The following SPAG17 variants were observed in gnomAD, a reference collection of about 807,000 sequenced individuals.
SPAG17 encodes the protein sperm associated antigen 17.
In SPAG17, 169 loss-of-function variants were observed where a neutral mutation model predicts 273.6. The ratio of observed to expected loss-of-function variants is 0.62; its 90% CI spans 0.55 to 0.70. The LOEUF (loss-of-function observed/expected upper bound fraction) is 0.70, where lower values mean the gene tolerates loss of function less well. Ranked by LOEUF, SPAG17 falls within the 30% of genes least tolerant of loss-of-function variation. SPAG17 has a pLI of 0.00. For synonymous variants in SPAG17, 825 were observed against 873.2 expected, an observed-to-expected ratio of 0.94 and a Z score of 0.97; for missense variants, 2,557 against 2,627.8, an observed-to-expected ratio of 0.97 and a Z score of 0.59.
chr1:118,147,540 CAA>C (rs1292967680), intron 3 of SPAG17, among the ~76,000 whole-genome samples: 2 of 152,086 alleles, frequency 1.3e-5, no homozygotes, highest in African/African-American at 4.8e-5. Context: ...ACATGCTTTC[CAA>C]AAAGAGAATG....
chr1:117,960,313 A>C (rs925540314), intron 48 of SPAG17: 1 of 152,160 alleles, frequency 6.6e-6, no homozygotes, highest in African/African-American at 2.4e-5. Flanking sequence ...TGGGAGCCTG[A>C]CTGATGTATT....
chr1:118,089,796 A>G (rs1655250884), intron 10 of SPAG17, among the ~76,000 whole-genome samples: 1 of 152,160 alleles, frequency 6.6e-6, no homozygotes, highest in Non-Finnish European at 1.5e-5. Context: ...TTGGCTCTGT[A>G]TCTCCACCTA....
intron 3 of SPAG17, among the ~76,000 whole-genome samples, chr1:118,120,234 C>T (rs1254180627): frequency 6.6e-6 from 1 of 151,688 alleles, no homozygotes; most frequent in Non-Finnish European, 1.5e-5. Context: ...AATATGGTAG[C>T]CACTAAACCA....
chr1:118,083,691 G>T (rs1043833606), intron 13 of SPAG17, among the ~76,000 whole-genome samples: 1 of 152,042 alleles, frequency 6.6e-6, no homozygotes, highest in Admixed American at 6.6e-5. Flanking sequence ...AAGCTGAGGT[G>T]GGAGAATCGC....
intron 29 of SPAG17, 25 bp from the exon 30 acceptor site, chr1:118,012,397 A>G: frequency 6.2e-7 from 1 of 1,608,830 alleles, no homozygotes; most frequent in Non-Finnish European, 8.5e-7. Context: ...GCAGGACATA[A>G]TCATTTGGCC....
intron 32 of SPAG17, among the ~76,000 whole-genome samples, chr1:118,001,658 G>A (rs752358364): frequency 3.3e-5 from 5 of 152,210 alleles, no homozygotes; most frequent in Middle Eastern, 3.4e-3. Context: ...TGTGGTATCC[G>A]TGGTCATATC....
At chr1:118,018,983 G>A (rs1267931037) in intron 28 of SPAG17, among the ~76,000 whole-genome samples, 1 of 146,250 alleles carries the variant, frequency 6.8e-6, no homozygotes, top group Non-Finnish European at 1.5e-5. Flanking sequence ...GCAGTGAGCT[G>A]TGATCATGCC....
chr1:117,996,835 T>C, intron 32 of SPAG17, 92 bp from the exon 33 acceptor site: 13 of 1,340,634 alleles, frequency 9.7e-6, no homozygotes, highest in Non-Finnish European at 1.3e-5. Flanking sequence ...GATGATTTGG[T>C]GGGTTTACTC....
chr1:117,980,281 G>A (rs1018200953), intron 43 of SPAG17, among the ~76,000 whole-genome samples: 3 of 151,922 alleles, frequency 2.0e-5, no homozygotes, highest in Non-Finnish European at 4.4e-5. Context: ...GCCTAGGCTG[G>A]AGTGCAGTGG....
At chr1:118,054,628 A>AT (rs1247608634) in intron 19 of SPAG17, among the ~76,000 whole-genome samples, 1 of 151,946 alleles carries the variant, frequency 6.6e-6, no homozygotes, top group Non-Finnish European at 1.5e-5. Context: ...GTAAACTCAC[A>AT]TTTTTTTCTT....
intron 4 of SPAG17, among the ~76,000 whole-genome samples, chr1:118,113,255 T>A (rs1485617380): frequency 2.0e-5 from 3 of 152,188 alleles, no homozygotes; most frequent in Admixed American, 1.3e-4. Context: ...GGAATCTCAC[T>A]GTGGGTTCAG....
intron 6 of SPAG17, among the ~76,000 whole-genome samples, chr1:118,098,673 G>T (rs1007965031): frequency 6.6e-6 from 1 of 152,028 alleles, no homozygotes; most frequent in Non-Finnish European, 1.5e-5. Flanking sequence ...TCTAGACTGA[G>T]AGTCCATTTT....
chr1:118,106,283 T>C (rs1002733292), intron 4 of SPAG17, among the ~76,000 whole-genome samples: 4 of 152,326 alleles, frequency 2.6e-5, no homozygotes, highest in African/African-American at 9.6e-5. Context: ...GTCCAAATAT[T>C]CTATCTCGTC....
intron 3 of SPAG17, among the ~76,000 whole-genome samples, chr1:118,147,752 G>A (rs1659106036): frequency 6.6e-6 from 1 of 152,182 alleles, no homozygotes; most frequent in African/African-American, 2.4e-5. Context: ...CCATCCAAAT[G>A]AAAACTTGAG....
chr1:118,161,803 G>A (rs1453184551), intron 1 of SPAG17, among the ~76,000 whole-genome samples: 1 of 152,196 alleles, frequency 6.6e-6, no homozygotes, highest in African/African-American at 2.4e-5. Context: ...CCAAAGTGCT[G>A]GGATTACAGG....
intron 20 of SPAG17, among the ~76,000 whole-genome samples, chr1:118,050,556 A>G (rs1326135622): frequency 6.6e-6 from 1 of 152,214 alleles, no homozygotes; most frequent in East Asian, 1.9e-4. Context: ...CACAGAGATC[A>G]ATGGAATACA....
At chr1:118,026,899 G>C (rs1647813962) in intron 26 of SPAG17, among the ~76,000 whole-genome samples, 1 of 152,168 alleles carries the variant, frequency 6.6e-6, no homozygotes. Flanking sequence ...TGGTATTTAT[G>C]TTGTTATGTT....
intron 27 of SPAG17, among the ~76,000 whole-genome samples, chr1:118,023,884 G>GT (rs1647406420): frequency 6.6e-6 from 1 of 151,810 alleles, no homozygotes; most frequent in Non-Finnish European, 1.5e-5. Flanking sequence ...TATCTAGTTT[G>GT]TACAGTGTCT....
At chr1:118,149,278 T>C (rs1344294878) in intron 3 of SPAG17, among the ~76,000 whole-genome samples, 1 of 152,194 alleles carries the variant, frequency 6.6e-6, no homozygotes, top group Non-Finnish European at 1.5e-5. Flanking sequence ...TTTGTAATCT[T>C]GTGCTATCCC....
Sources: allele counts gnomAD v4.1 joint callset (sites outside exome capture counted in the v4.1 genomes callset), GRCh38; gene constraint gnomAD v4.1.1; transcripts MANE v1.5; gene names NCBI Gene and HGNC (gene_info 2026-07-23, HGNC 2026-07-21).